XIRP2: variants seen among roughly 807,000 people sequenced by gnomAD.
XIRP2 encodes the protein xin actin binding repeat containing 2, also known as xin actin-binding repeat-containing protein 2.
In XIRP2, 236 loss-of-function variants were observed where a neutral mutation model predicts 277.0. That is an observed-to-expected ratio of 0.85 (90% confidence interval 0.77 to 0.95). The LOEUF (loss-of-function observed/expected upper bound fraction) is 0.95. Ranked by LOEUF, XIRP2 falls within the 40% of genes least tolerant of loss-of-function variation. The probability of loss-of-function intolerance (pLI) is 0.00; values close to 1 mark genes in which losing one functional copy is unlikely to be tolerated. For synonymous variants in XIRP2, 1,490 were observed against 1,416.5 expected (o/e 1.05, Z -1.17); for missense variants, 4,640 against 4,157.5 (o/e 1.12, Z -3.19).
At chr2:167,193,879 CAAAAAA>C (rs767047580) in intron 3 of XIRP2, among the ~76,000 whole-genome samples, 1 of 71,796 alleles carries the variant, frequency 1.4e-5, no homozygotes, top group African/African-American at 5.2e-5. Context: ...GACTCTGTCT[CAAAAAA>C]AAAAAAAAAA....
chr2:166,922,027 T>A (rs556125468), intron 2 of XIRP2, among the ~76,000 whole-genome samples: 1 of 152,244 alleles, frequency 6.6e-6, no homozygotes, highest in South Asian at 2.1e-4. Context: ...TTCATTGGCC[T>A]TTTTTGAAAG....
At chr2:166,920,327 T>C (rs1217045245) in intron 2 of XIRP2, among the ~76,000 whole-genome samples, 1 of 152,148 alleles carries the variant, frequency 6.6e-6, no homozygotes, top group African/African-American at 2.4e-5. Flanking sequence ...GAATTCAAGT[T>C]GATCTCAGTC....
chr2:166,936,372 C>T (rs999723045), intron 2 of XIRP2, among the ~76,000 whole-genome samples: 32 of 152,288 alleles, frequency 2.1e-4, no homozygotes, highest in Admixed American at 3.9e-4. Context: ...TGCCTGTTCA[C>T]TCTGATGGTA....
chr2:167,031,670 CAG>C (rs1688353252), intron 2 of XIRP2, among the ~76,000 whole-genome samples: 1 of 151,736 alleles, frequency 6.6e-6, no homozygotes, highest in African/African-American at 2.4e-5. Flanking sequence ...AACAGACAAA[CAG>C]AGCCAAATCA....
chr2:167,218,576 A>G (rs556150466), intron 5 of XIRP2, among the ~76,000 whole-genome samples: 193 of 152,328 alleles, frequency 1.3e-3, no homozygotes, highest in Non-Finnish European at 2.2e-3. Context: ...TAAATAGTCT[A>G]GGTTAGACAA....
chr2:166,899,271 A>C (rs1015141468), intron 1 of XIRP2, among the ~76,000 whole-genome samples: 1 of 152,118 alleles, frequency 6.6e-6, no homozygotes, highest in African/African-American at 2.4e-5. Flanking sequence ...TGAAGTATAG[A>C]AACTTTACCT....
rs1686372644 is a variant in XIRP2 at position 166,964,341 on chromosome 2, A to C, written c.408+60451A>C. ...CATAATGCAGGAGGATGTTACAATCAGTAAAAGGTAAGAGGTTGAAAATCT... is the reference window on the plus strand; with the variant it reads ...CATAATGCAGGAGGATGTTACAATCCGTAAAAGGTAAGAGGTTGAAAATCT... On this transcript the variant is annotated intron_variant, in intron 2 of 10. Coordinates refer to ENST00000409195, the MANE Select transcript of XIRP2 (RefSeq NM_152381.6). Among the ~76,000 whole-genome samples the C allele has an allele frequency of 2.6e-5, 4 of 151,974 alleles. No individual in the cohort carries two copies. In the South Asian group the frequency reaches 8.3e-4, roughly 31 times the overall value.
chr2:166,925,566 T>A lies in XIRP2; in HGVS notation c.408+21676T>A, dbSNP rs188482364. Among the ~76,000 whole-genome samples, 10 of 142,466 alleles carry A rather than the reference T, an allele frequency of 7.0e-5. No homozygotes were observed. The East Asian group carries it at 2.1e-3, about 30-fold the overall frequency. The allele number at this position is 142,466 out of a possible 152,430, so 93.5% of individuals were successfully genotyped here. A position where few individuals can be genotyped will look rare whatever the true frequency, so the allele number is the denominator to read the frequency against. Reference sequence around the variant, plus strand: ...CATTCTGAAAATATTTGTGTGTGTGTGTATGTATGTGTGTGTGTATGTGTA... The same window carrying A: ...CATTCTGAAAATATTTGTGTGTGTGAGTATGTATGTGTGTGTGTATGTGTA... On this transcript the variant is annotated intron_variant, in intron 2 of 10. Transcript: ENST00000409195.
At chr2:166,923,670 A>G (rs752956046) in intron 2 of XIRP2, among the ~76,000 whole-genome samples, 6 of 152,100 alleles carry the variant, frequency 3.9e-5, no homozygotes, top group Non-Finnish European at 8.8e-5. Context: ...GACAGATGGT[A>G]GCCGAACTTC....
At chr2:167,092,564 A>G (rs979265752) in intron 2 of XIRP2, among the ~76,000 whole-genome samples, 5 of 152,174 alleles carry the variant, frequency 3.3e-5, no homozygotes, top group Non-Finnish European at 5.9e-5. Flanking sequence ...TGCTGAATTC[A>G]GTTTCAATGT....
At chr2:166,914,431 C>T (rs1209659078) in intron 2 of XIRP2, among the ~76,000 whole-genome samples, 1 of 152,130 alleles carries the variant, frequency 6.6e-6, no homozygotes, top group African/African-American at 2.4e-5. Context: ...AGCTCTGCCT[C>T]CCAGGTTTAC....
At chr2:166,981,426 CTT>C (rs35594771) in intron 2 of XIRP2, among the ~76,000 whole-genome samples, 2 of 144,702 alleles carry the variant, frequency 1.4e-5, no homozygotes, top group Non-Finnish European at 3.0e-5. Flanking sequence ...TGCTCTTCTT[CTT>C]TTTTTTTTTT....
Position 167,242,733 on chromosome 2 carries a change from A to T in XIRP2, c.1341A>T (p.Gly447=). The change falls in exon 9 of 11, where the codon GGA becomes GGT. Residue 447 remains glycine, a synonymous_variant. Coordinates refer to ENST00000409195, the MANE Select transcript of XIRP2 (RefSeq NM_152381.6). ...CACAAATTAATGCTACTTCTTCAGG[A>T]ATGACAGAAGAATTTCCTCCTCCCC... The part of the protein sequence containing the change: ...TLAQINATSS[G]MTEEFPPPPP... 6.2e-7 allele frequency: 1 copy of T among 1,614,080 alleles called. No homozygotes were observed. Among genetic ancestry groups the T allele is most frequent in the Non-Finnish European group, 8.5e-7 (1 of 1,179,968 alleles).
intron 2 of XIRP2, among the ~76,000 whole-genome samples, chr2:167,082,021 G>A (rs1476442790): frequency 6.6e-6 from 1 of 150,618 alleles, no homozygotes; most frequent in Non-Finnish European, 1.5e-5. Context: ...ATGCATACAT[G>A]TGCCATGCTG....
At chr2:167,071,950 C>A (rs1406063431) in intron 2 of XIRP2, among the ~76,000 whole-genome samples, 1 of 152,102 alleles carries the variant, frequency 6.6e-6, no homozygotes, top group Non-Finnish European at 1.5e-5. Flanking sequence ...GGGGAGATAA[C>A]CTTGCTCATA....
intron 2 of XIRP2, among the ~76,000 whole-genome samples, chr2:167,015,398 C>T (rs569223592): frequency 2.0e-5 from 3 of 150,062 alleles, no homozygotes; most frequent in South Asian, 4.2e-4. Flanking sequence ...ATCCCAAACA[C>T]GATGTTGATT....
intron 3 of XIRP2, among the ~76,000 whole-genome samples, chr2:167,207,533 G>A (rs1693891682): frequency 6.6e-6 from 1 of 152,116 alleles, no homozygotes; most frequent in Non-Finnish European, 1.5e-5. Flanking sequence ...ACCAATGTGT[G>A]TTTTTTAAAT....
At chr2:167,118,704 C>T (rs191728658) in intron 2 of XIRP2, among the ~76,000 whole-genome samples, 4 of 152,008 alleles carry the variant, frequency 2.6e-5, no homozygotes, top group Non-Finnish European at 4.4e-5. Context: ...TTGGACTCCC[C>T]GGCATTCAGA....
intron 2 of XIRP2, among the ~76,000 whole-genome samples, chr2:167,035,432 A>T (rs187225245): frequency 6.6e-6 from 1 of 152,098 alleles, no homozygotes; most frequent in East Asian, 1.9e-4. Flanking sequence ...AGGAAAGGTG[A>T]CTCTTGTTAT....
Sources: allele counts gnomAD v4.1 joint callset (sites outside exome capture counted in the v4.1 genomes callset), GRCh38; gene constraint gnomAD v4.1.1; transcripts MANE v1.5; gene names NCBI Gene and HGNC (gene_info 2026-07-23, HGNC 2026-07-21).